The following LRCH3 variants were observed in gnomAD, a reference collection of about 807,000 sequenced individuals.
LRCH3 encodes leucine rich repeats and calponin homology domain containing 3, also known as DISP complex protein LRCH3.
Under a neutral mutation model 104.5 loss-of-function variants are expected in LRCH3, and 68 were observed. The observed-to-expected ratio is 0.65, with a 90% CI of 0.54 to 0.80. The LOEUF (loss-of-function observed/expected upper bound fraction) is 0.80, where lower values mean the gene tolerates loss of function less well. LRCH3 is among the 30% of genes least tolerant of loss of function. The pLI, the probability that LRCH3 is intolerant of heterozygous loss-of-function variation, is 0.00. For missense variants in LRCH3, 951 were observed against 953.9 expected, an observed-to-expected ratio of 1.00 and a Z score of 0.04; for synonymous variants, 344 against 361.3, an observed-to-expected ratio of 0.95 and a Z score of 0.54.
At chr3:197,848,594 T>A (rs139325568) in intron 12 of LRCH3, 1 of 152,724 alleles carries the variant, frequency 6.5e-6, no homozygotes, top group African/African-American at 2.4e-5. Flanking sequence ...TTCTTCATAA[T>A]TAATTATTTG....
intron 20 of LRCH3, chr3:197,881,412 C>T (rs774855542): frequency 4.1e-6 from 4 of 985,616 alleles, no homozygotes; most frequent in Non-Finnish European, 4.8e-6. Flanking sequence ...ATGTGCTGCA[C>T]ACGAGCAGAT....
intron 20 of LRCH3, chr3:197,882,842 A>C: frequency 1.0e-6 from 1 of 985,370 alleles, no homozygotes; most frequent in Non-Finnish European, 1.2e-6. Flanking sequence ...AGTTCCCTGG[A>C]ATAATTCAGG....
At chr3:197,811,739 C>G (rs1482260074) in intron 1 of LRCH3, among the ~76,000 whole-genome samples, 4 of 152,130 alleles carry the variant, frequency 2.6e-5, no homozygotes, top group Non-Finnish European at 5.9e-5. Context: ...AAATATGAAG[C>G]ATTTTTCTCC....
At chr3:197,835,550 T>A in intron 8 of LRCH3, 124 bp from the exon 9 acceptor site, 35 of 839,944 alleles carry the variant, frequency 4.2e-5, no homozygotes, top group Non-Finnish European at 4.8e-5. Flanking sequence ...TTATCATCCC[T>A]CCCACTTTCA....
At chr3:197,872,821 C>A (rs952076190) in intron 19 of LRCH3, among the ~76,000 whole-genome samples, 1 of 152,064 alleles carries the variant, frequency 6.6e-6, no homozygotes, top group African/African-American at 2.4e-5. Context: ...CACCACTGCA[C>A]TCCAGCCTGG....
chr3:197,832,751 A>G (rs1395142238), intron 8 of LRCH3, among the ~76,000 whole-genome samples: 1 of 149,204 alleles, frequency 6.7e-6, no homozygotes, highest in African/African-American at 2.5e-5. Context: ...CTTCAAAGTC[A>G]TCTGAATCAC....
chr3:197,879,954 T>TG (rs913247396), intron 20 of LRCH3, among the ~76,000 whole-genome samples: 8 of 141,314 alleles, frequency 5.7e-5, no homozygotes, highest in Non-Finnish European at 9.0e-5. Flanking sequence ...TGTATTTTTT[T>TG]TTTTTTTTTG....
At chr3:197,795,700 T>TG (rs1458414103) in intron 1 of LRCH3, among the ~76,000 whole-genome samples, 3 of 141,230 alleles carry the variant, frequency 2.1e-5, no homozygotes, top group East Asian at 2.0e-4. Context: ...TTTTTTTTTT[T>TG]TTTTTTTTTT....
chr3:197,800,702 G>A (rs1731784143), intron 1 of LRCH3, among the ~76,000 whole-genome samples: 1 of 152,162 alleles, frequency 6.6e-6, no homozygotes, highest in Non-Finnish European at 1.5e-5. Context: ...TGTATACCAG[G>A]ATATATAGTA....
At chr3:197,878,895 G>A (rs1280056686) in intron 20 of LRCH3, among the ~76,000 whole-genome samples, 1 of 152,124 alleles carries the variant, frequency 6.6e-6, no homozygotes, top group Non-Finnish European at 1.5e-5. Flanking sequence ...GACCACTTTT[G>A]AAAATGTAAA....
At chr3:197,817,787 A>G (rs1415253975) in intron 3 of LRCH3, among the ~76,000 whole-genome samples, 1 of 152,070 alleles carries the variant, frequency 6.6e-6, no homozygotes, top group Non-Finnish European at 1.5e-5. Flanking sequence ...CTCCCACTCT[A>G]TAAAGTAAAA....
chr3:197,846,206 C>T (rs998580975), intron 10 of LRCH3, among the ~76,000 whole-genome samples: 3 of 151,918 alleles, frequency 2.0e-5, no homozygotes, highest in African/African-American at 4.8e-5. Context: ...AGTTTGAGAG[C>T]GACCTGGGTT....
rs1202830793 is a variant in LRCH3, at chr3:197,796,547, A to T, written c.262+5007A>T. On this transcript the variant is annotated intron_variant, in intron 1 of 20. Transcript: ENST00000425562. ...AACCTGTAAGACTAGAAAGATGGTA[A>T]TGCTATTGCTTATAATAGTAGCTAA... Among the ~76,000 whole-genome samples the T allele has an allele frequency of 2.6e-5, 4 of 152,226 alleles. No individual in the cohort carries two copies. The East Asian group carries it at 7.7e-4, about 29-fold the overall frequency.
intron 4 of LRCH3, 93 bp downstream of exon 4, chr3:197,820,523 C>T: frequency 1.2e-6 from 1 of 841,828 alleles, no homozygotes. Flanking sequence ...ATAAGGGTTA[C>T]ATCTAGGCTG....
chr3:197,840,413 C>T (rs1737628206), intron 10 of LRCH3, among the ~76,000 whole-genome samples: 1 of 152,136 alleles, frequency 6.6e-6, no homozygotes, highest in Non-Finnish European at 1.5e-5. Flanking sequence ...GCCGAGATCG[C>T]ACCATTGCCC....
At chr3:197,833,068 C>T (rs538058166) in intron 8 of LRCH3, among the ~76,000 whole-genome samples, 6 of 152,172 alleles carry the variant, frequency 3.9e-5, no homozygotes, top group African/African-American at 1.2e-4. Flanking sequence ...TTACTCCTGT[C>T]GTTACCATTT....
intron 1 of LRCH3, among the ~76,000 whole-genome samples, chr3:197,804,752 C>T (rs1323830508): frequency 6.6e-6 from 1 of 152,212 alleles, no homozygotes; most frequent in Non-Finnish European, 1.5e-5. Flanking sequence ...GTGACCATCA[C>T]AGGTTTGTTA....
At chr3:197,821,603 A>G (rs765835202) in intron 4 of LRCH3, among the ~76,000 whole-genome samples, 25 of 152,184 alleles carry the variant, frequency 1.6e-4, no homozygotes, top group Non-Finnish European at 3.2e-4. Flanking sequence ...AAAACAAGGA[A>G]TCTTCTCAAG....
intron 4 of LRCH3, among the ~76,000 whole-genome samples, chr3:197,824,271 G>T (rs1459794172): frequency 6.6e-6 from 1 of 150,846 alleles, no homozygotes; most frequent in Non-Finnish European, 1.5e-5. Context: ...CACCATGTTG[G>T]TCAGGCTGGT....
Sources: allele counts gnomAD v4.1 joint callset (sites outside exome capture counted in the v4.1 genomes callset), GRCh38; gene constraint gnomAD v4.1.1; transcripts MANE v1.5; gene names NCBI Gene and HGNC (gene_info 2026-07-23, HGNC 2026-07-21).